The following SHROOM4 variants were observed in gnomAD, a reference collection of about 807,000 sequenced individuals.
SHROOM4 encodes the protein shroom family member 4, also known as protein Shroom4.
A neutral mutation model predicts 80.3 loss-of-function variants in SHROOM4; 17 were observed. That is an observed-to-expected ratio of 0.21 (90% CI 0.14 to 0.32). SHROOM4 has a LOEUF of 0.32. Among genes scored for constraint, SHROOM4 ranks in the 10% least tolerant of loss-of-function variants. The probability of loss-of-function intolerance (pLI) is 1.00; values close to 1 mark genes in which losing one functional copy is unlikely to be tolerated. For missense variants in SHROOM4, 993 were observed against 1,140.3 expected, an observed-to-expected ratio of 0.87 and a Z score of 1.86; for synonymous variants, 400 against 437.5, an observed-to-expected ratio of 0.91 and a Z score of 1.07.
At chrX:50,667,576 C>G (rs1411777350) in intron 2 of SHROOM4, among the ~76,000 whole-genome samples, 1 of 111,339 alleles carries the variant, frequency 9.0e-6, no homozygotes, top group African/African-American at 3.3e-5. Context: ...TCTCAGCTGA[C>G]TGCCTCTGAT....
chrX:50,762,822 C>T (rs1413151048), intron 1 of SHROOM4, among the ~76,000 whole-genome samples: 5 of 111,675 alleles, frequency 4.5e-5, no homozygotes, highest in Admixed American at 2.9e-4. Flanking sequence ...GCTCTTATGA[C>T]TTTTCCTTTT....
chrX:50,645,768 G>A (rs1393399870), intron 2 of SHROOM4, among the ~76,000 whole-genome samples: 1 of 111,712 alleles, frequency 9.0e-6, no homozygotes, highest in Non-Finnish European at 1.9e-5. Flanking sequence ...ATGACCTCCT[G>A]TGCTCAGGGG....
chrX:50,653,356 GCT>G (rs1932186510), intron 2 of SHROOM4, among the ~76,000 whole-genome samples: 1 of 110,930 alleles, frequency 9.0e-6, no homozygotes, highest in African/African-American at 3.3e-5. Flanking sequence ...TCATGATTTG[GCT>G]CTCTGTTTGT....
chrX:50,685,584 C>A (rs1933052185), intron 2 of SHROOM4, among the ~76,000 whole-genome samples: 1 of 112,213 alleles, frequency 8.9e-6, no homozygotes, highest in African/African-American at 3.2e-5. Flanking sequence ...GAGGAGGTAG[C>A]AAATGTGAAA....
intron 1 of SHROOM4, among the ~76,000 whole-genome samples, chrX:50,774,511 A>G (rs1345883454): frequency 2.7e-5 from 3 of 110,933 alleles, no homozygotes; most frequent in Non-Finnish European, 3.8e-5. Context: ...TTCAAGGGAG[A>G]CTGGGGAGTT....
At chrX:50,723,144 A>C (rs1407342097) in intron 1 of SHROOM4, among the ~76,000 whole-genome samples, 1 of 103,812 alleles carries the variant, frequency 9.6e-6, no homozygotes, top group African/African-American at 3.5e-5. Context: ...AAATGATGGA[A>C]AGGGAGGGGG....
At chrX:50,624,101 T>C (rs1557252599) in intron 5 of SHROOM4, among the ~76,000 whole-genome samples, 2 of 111,921 alleles carry the variant, frequency 1.8e-5, no homozygotes, top group African/African-American at 6.5e-5. Context: ...TGTACATCAC[T>C]GTAAATTTAC....
chrX:50,776,978 G>A (rs782200479), intron 1 of SHROOM4, among the ~76,000 whole-genome samples: 29 of 111,449 alleles, frequency 2.6e-4, no homozygotes, highest in African/African-American at 8.2e-4. Context: ...GTGAGCCACC[G>A]CACCGGCCTC....
At chrX:50,643,865 T>C (rs1453803188) in intron 2 of SHROOM4, among the ~76,000 whole-genome samples, 1 of 112,530 alleles carries the variant, frequency 8.9e-6, no homozygotes, top group Non-Finnish European at 1.9e-5. Flanking sequence ...AAAAAGAATT[T>C]TTAAAAATAC....
chrX:50,607,275 T>C, intron 6 of SHROOM4, 106 bp downstream of exon 6: 1 of 896,926 alleles, frequency 1.1e-6, no homozygotes, highest in Non-Finnish European at 1.6e-6. Context: ...CTGGGAGCAG[T>C]TTAACTGGCC....
chrX:50,793,924 C>T (rs1557271790), intron 1 of SHROOM4, among the ~76,000 whole-genome samples: 1 of 109,848 alleles, frequency 9.1e-6, no homozygotes, highest in African/African-American at 3.3e-5. Context: ...ATGTGTGGTT[C>T]CCATATGGTT....
At chrX:50,660,359 T>C (rs1557259834) in intron 2 of SHROOM4, among the ~76,000 whole-genome samples, 1 of 111,655 alleles carries the variant, frequency 9.0e-6, no homozygotes, top group East Asian at 2.8e-4. Flanking sequence ...ACACTTTGAG[T>C]AGCAAGGTAT....
In SHROOM4 at chrX:50,596,773, C is replaced by T. The variant is rs192712786; in HGVS notation, c.4404G>A (p.Leu1468=). The change falls in exon 9 of 9, where the codon CTG becomes CTA. Residue 1468 remains leucine, a synonymous_variant. Transcript: ENST00000376020. ...KSALIIEQRE[L]EEKIKLGEEQ... ...CTTCCCCGAGCTTGATCTTCTCCTC[C>T]AGCTCTCGCTGTTCAATGATGAGAG... The T allele has an allele frequency of 6.6e-6, 8 of 1,210,599 alleles. No individual in the cohort carries two copies. In the East Asian group the frequency reaches 1.5e-4, roughly 22 times the overall value.
chrX:50,765,247 TATAG>T (rs1557269247), intron 1 of SHROOM4, among the ~76,000 whole-genome samples: 1 of 112,098 alleles, frequency 8.9e-6, no homozygotes, highest in Non-Finnish European at 1.9e-5. Context: ...GCTTTATGTA[TATAG>T]ACCAACAAAC....
intron 2 of SHROOM4, among the ~76,000 whole-genome samples, chrX:50,639,484 CATG>C (rs1422216512): frequency 9.0e-6 from 1 of 111,644 alleles, no homozygotes; most frequent in Non-Finnish European, 1.9e-5. Context: ...GTAAAAGAAA[CATG>C]ATAAATAAGT....
At chrX:50,777,165 A>T (rs1339714424) in intron 1 of SHROOM4, among the ~76,000 whole-genome samples, 3 of 111,275 alleles carry the variant, frequency 2.7e-5, no homozygotes, top group Non-Finnish European at 3.8e-5. Context: ...GAATGAGGAG[A>T]CCCAAGATCA....
rs1292239028 is a variant in SHROOM4 at position 50,590,622 on chromosome X, C to G, written c.*6073G>C. Among the ~76,000 whole-genome samples, 1 of 111,708 alleles carries G rather than the reference C, an allele frequency of 9.0e-6. No homozygotes were observed. Among genetic ancestry groups the G allele is most frequent in the Non-Finnish European group, 1.9e-5 (1 of 53,140 alleles). On this transcript the variant is annotated 3_prime_UTR_variant, in exon 9 of 9. Transcript: ENST00000376020. ...GCCATCTGCAAACCATAAAGTGGGCCCTCACAAGGCATTGAATCTGCTGGC... is the reference window on the plus strand; with the variant it reads ...GCCATCTGCAAACCATAAAGTGGGCGCTCACAAGGCATTGAATCTGCTGGC...
rs1930814602 is a variant in SHROOM4, at chrX:50,626,583, C to T, written c.2957+1031G>A. On this transcript the variant is annotated intron_variant, in intron 5 of 8. Transcript: ENST00000376020. Reference sequence around the variant, plus strand: ...GCCTGTTCGAATTGCAGGTTTTGAGCTCCACTCCCCACTTACTGAATCACT... The same window carrying T: ...GCCTGTTCGAATTGCAGGTTTTGAGTTCCACTCCCCACTTACTGAATCACT... Among the ~76,000 whole-genome samples the T allele has an allele frequency of 2.7e-5, 3 of 111,546 alleles. 1 individual carries two copies. In the South Asian group the frequency reaches 1.1e-3, roughly 43 times the overall value.
chrX:50,727,348 C>G (rs1304131419), intron 1 of SHROOM4, among the ~76,000 whole-genome samples: 1 of 111,930 alleles, frequency 8.9e-6, no homozygotes, highest in African/African-American at 3.3e-5. Context: ...TGAGTTAAGA[C>G]TTTGGGGAAT....
Sources: allele counts gnomAD v4.1 joint callset (sites outside exome capture counted in the v4.1 genomes callset), GRCh38; gene constraint gnomAD v4.1.1; transcripts MANE v1.5; gene names NCBI Gene and HGNC (gene_info 2026-07-23, HGNC 2026-07-21).